Variants in AATF observed in about 807,000 individuals in gnomAD.
The protein encoded by AATF is apoptosis antagonizing transcription factor, also known as protein AATF.
AATF carries 48 observed loss-of-function variants against 63.7 expected under a neutral mutation model. The ratio of observed to expected loss-of-function variants is 0.75; its 90% CI spans 0.60 to 0.96. The LOEUF (loss-of-function observed/expected upper bound fraction) is 0.96. AATF is among the 40% of genes least tolerant of loss of function. AATF has a pLI of 0.00. For synonymous variants in AATF, 258 were observed against 247.7 expected (o/e 1.04, Z -0.39); for missense variants, 639 against 685.7 (o/e 0.93, Z 0.76).
chr17:37,001,917 A>G (rs2071301154), intron 8 of AATF, among the ~76,000 whole-genome samples: 1 of 152,134 alleles, frequency 6.6e-6, no homozygotes, highest in South Asian at 2.1e-4. Context: ...TATAGAAAGT[A>G]CCAGCTAGGC....
At chr17:36,983,624 T>C (rs2071144677) in intron 4 of AATF, among the ~76,000 whole-genome samples, 2 of 152,198 alleles carry the variant, frequency 1.3e-5, no homozygotes, top group Admixed American at 1.3e-4. Flanking sequence ...GTGCTGGGAT[T>C]ACAGGTGTGA....
At chr17:36,985,702 C>T (rs2071163530) in intron 4 of AATF, among the ~76,000 whole-genome samples, 1 of 151,902 alleles carries the variant, frequency 6.6e-6, no homozygotes, top group South Asian at 2.1e-4. Flanking sequence ...CACCACCACC[C>T]TCAGCTAATT....
At chr17:37,019,355 A>G (rs1018364087) in intron 9 of AATF, among the ~76,000 whole-genome samples, 1 of 152,188 alleles carries the variant, frequency 6.6e-6, no homozygotes, top group African/African-American at 2.4e-5. Context: ...TTGTATCCAT[A>G]TCAATCTGTT....
chr17:36,970,982 A>G lies in AATF; in HGVS notation c.833-15635A>G, dbSNP rs112453945. 4.4e-3 allele frequency among the ~76,000 whole-genome samples: 669 copies of G among 152,286 alleles called. 7 individuals are homozygous for G. The highest frequency in any genetic ancestry group is 0.016 in the African/African-American group (648 of 41,560). On this transcript the variant is annotated intron_variant, in intron 4 of 11. Transcript: ENST00000619387. Reference sequence around the variant, plus strand: ...TATAAATCATAAAGTGTTTTGAAAAACATATGGGAGAAAACTCTATGTCAT... The same window carrying G: ...TATAAATCATAAAGTGTTTTGAAAAGCATATGGGAGAAAACTCTATGTCAT...
At chr17:36,999,321 G>A (rs1567978355) in intron 8 of AATF, 1 of 152,160 alleles carries the variant, frequency 6.6e-6, no homozygotes, top group South Asian at 2.1e-4. Flanking sequence ...AGTATCTACT[G>A]TGTATTTATT....
At chr17:36,976,216 A>G (rs1005923051) in intron 4 of AATF, among the ~76,000 whole-genome samples, 1 of 152,242 alleles carries the variant, frequency 6.6e-6, no homozygotes, top group Non-Finnish European at 1.5e-5. Flanking sequence ...TCAAGGGTAC[A>G]TTGATCTAGA....
chr17:37,054,569 T>C (rs1477149216), intron 11 of AATF: 2 of 152,220 alleles, frequency 1.3e-5, no homozygotes, highest in Non-Finnish European at 2.9e-5. Flanking sequence ...CCCACCTGAG[T>C]GTGAAATGAT....
intron 7 of AATF, among the ~76,000 whole-genome samples, chr17:36,990,050 G>GTAACA (rs1471864371): frequency 8.4e-6 from 1 of 119,742 alleles, no homozygotes; most frequent in Non-Finnish European, 2.1e-5. Context: ...ACAAGTTTTT[G>GTAACA]GGTCTTTTCT....
At chr17:36,990,722 A>G in intron 7 of AATF, 52 bp from the exon 8 acceptor site, 1 of 1,064,278 alleles carries the variant, frequency 9.4e-7, no homozygotes, top group Non-Finnish European at 1.4e-6. Context: ...TAGCTACATT[A>G]GTTAGATAGC....
chr17:36,953,345 T>C, intron 3 of AATF, 49 bp downstream of exon 3: 2 of 1,573,998 alleles, frequency 1.3e-6, no homozygotes, highest in Non-Finnish European at 1.7e-6. Flanking sequence ...TATCTGCATT[T>C]GGTCTACTTT....
At chr17:36,959,112 T>G (rs1286071886) in intron 4 of AATF, among the ~76,000 whole-genome samples, 1 of 150,266 alleles carries the variant, frequency 6.7e-6, no homozygotes, top group Non-Finnish European at 1.5e-5. Flanking sequence ...GCCACTGCAC[T>G]CCAGCCTGGG....
At chr17:37,049,477 C>T (rs2071726956) in intron 11 of AATF, among the ~76,000 whole-genome samples, 1 of 151,994 alleles carries the variant, frequency 6.6e-6, no homozygotes, top group Non-Finnish European at 1.5e-5. Flanking sequence ...TGGTGGCGGG[C>T]ACCTGTAGTC....
chr17:36,949,465 C>A (rs927609040), intron 1 of AATF, among the ~76,000 whole-genome samples: 1 of 152,268 alleles, frequency 6.6e-6, no homozygotes, highest in Admixed American at 6.5e-5. Flanking sequence ...CCGAGAGGAG[C>A]TGGTCTTCAG....
intron 8 of AATF, among the ~76,000 whole-genome samples, chr17:36,993,615 A>G (rs1311051248): frequency 3.9e-5 from 6 of 152,148 alleles, no homozygotes; most frequent in Admixed American, 1.3e-4. Flanking sequence ...AAGTGGTTCA[A>G]TATATTACAA....
At chr17:36,994,966 A>G (rs1482446857) in intron 8 of AATF, among the ~76,000 whole-genome samples, 1 of 152,240 alleles carries the variant, frequency 6.6e-6, no homozygotes, top group Non-Finnish European at 1.5e-5. Flanking sequence ...AATAAGCTAT[A>G]TAAAGTGGCT....
intron 10 of AATF, among the ~76,000 whole-genome samples, chr17:37,030,638 C>G (rs1364937438): frequency 6.6e-6 from 1 of 152,048 alleles, no homozygotes; most frequent in African/African-American, 2.4e-5. Context: ...TTCCATAGTA[C>G]CTAGACTGAA....
intron 4 of AATF, among the ~76,000 whole-genome samples, chr17:36,969,961 A>G (rs1485723829): frequency 2.0e-5 from 3 of 152,198 alleles, no homozygotes; most frequent in South Asian, 2.1e-4. Flanking sequence ...AGCATCCTCC[A>G]TATTTTTTCT....
In AATF at chr17:37,056,691, G is replaced by A. The variant is rs1196686149; in HGVS notation, c.*27G>A. 1.2e-6 allele frequency: 2 copies of A among 1,613,722 alleles called. No individual in the cohort carries two copies. The highest frequency in any genetic ancestry group is 4.5e-5 in the East Asian group (2 of 44,876). Reference sequence around the variant, plus strand: ...ATCGCCCACCTCCGACACCCAGTGGGCGCCTTGGCTGGTGCGGCTGCTGGT... The same window carrying A: ...ATCGCCCACCTCCGACACCCAGTGGACGCCTTGGCTGGTGCGGCTGCTGGT... On this transcript the variant is annotated 3_prime_UTR_variant, in exon 12 of 12. Transcript: ENST00000619387.
At chr17:37,029,165 C>T (rs2071533388) in intron 10 of AATF, among the ~76,000 whole-genome samples, 1 of 152,066 alleles carries the variant, frequency 6.6e-6, no homozygotes, top group South Asian at 2.1e-4. Context: ...CTTAAGCAAT[C>T]CTTCCACCTC....
Sources: allele counts gnomAD v4.1 joint callset (sites outside exome capture counted in the v4.1 genomes callset), GRCh38; gene constraint gnomAD v4.1.1; transcripts MANE v1.5; gene names NCBI Gene and HGNC (gene_info 2026-07-23, HGNC 2026-07-21).